Variants in TRPV1 observed in about 807,000 individuals in gnomAD.
The protein encoded by TRPV1 is transient receptor potential cation channel subfamily V member 1.
Under a neutral mutation model 82.3 loss-of-function variants are expected in TRPV1, and 82 were observed. The ratio of observed to expected loss-of-function variants is 1.00; its 90% CI spans 0.83 to 1.20. TRPV1 has a LOEUF of 1.20. Among genes scored for constraint, TRPV1 ranks in the 50% most tolerant of loss-of-function variants. The pLI is 0.00. For missense variants in TRPV1, 1,067 were observed against 1,096.8 expected (o/e 0.97, Z 0.38); for synonymous variants, 515 against 467.7 (o/e 1.10, Z -1.30).
chr17:3,607,119 A>G (rs1020995039), intron 2 of TRPV1, among the ~76,000 whole-genome samples: 1 of 152,170 alleles, frequency 6.6e-6, no homozygotes, highest in African/African-American at 2.4e-5. Flanking sequence ...AGGCTGAGGC[A>G]GGTGGATCAC....
chr17:3,585,979 A>G lies in TRPV1; in HGVS notation c.1225-53T>C. ...CCCTCCTGCAGCAGGAACTCCTCGC[A>G]CGCCCACACCAGCCCGTGGTGCCCC... On this transcript the variant is annotated intron_variant, in intron 8 of 16. Transcript: ENST00000572705. The G allele has an allele frequency of 1.9e-6, 3 of 1,605,512 alleles. No individual in the cohort carries two copies. The Admixed American group carries it at 5.0e-5, about 27-fold the overall frequency.
At chr17:3,598,436 G>C (rs1051144685) in intron 2 of TRPV1, among the ~76,000 whole-genome samples, 2 of 152,112 alleles carry the variant, frequency 1.3e-5, no homozygotes, top group African/African-American at 4.8e-5. Context: ...TTACAGGTGA[G>C]AAATGTGTGA....
Position 3,572,162 on chromosome 17 carries a change from A to T in TRPV1, c.2191T>A (p.Tyr731Asn). Residue 731 changes from tyrosine to asparagine, a missense_variant, in exon 15 of 17, where the codon TAC (tyrosine) becomes AAC (asparagine). By Grantham distance (143) the Tyr-to-Asn change is moderately radical (BLOSUM62 -2). Coordinates refer to ENST00000572705, the MANE Select transcript of TRPV1 (RefSeq NM_080704.4). ...FRSGKLLQVGYTPDGKDDYRW... is the reference protein window; with the variant it reads ...FRSGKLLQVGNTPDGKDDYRW... ...TAGTCGTCCTTGCCATCAGGTGTGT[A>T]CCCCACCTGCAGCAGCTTGCCTGAG... is the stretch of plus-strand genomic sequence containing the variant. 6.2e-7 allele frequency: 1 copy of T among 1,613,622 alleles called. No individual in the cohort carries two copies. The highest frequency in any genetic ancestry group is 8.5e-7 in the Non-Finnish European group (1 of 1,179,744).
chr17:3,595,691 T>C (rs1240432316), intron 2 of TRPV1: 1 of 152,256 alleles, frequency 6.6e-6, no homozygotes, highest in Non-Finnish European at 1.5e-5. Flanking sequence ...CCATGAACCT[T>C]TCGGCAATGT....
At chr17:3,585,154 CTT>C (rs11390232) in intron 9 of TRPV1, 36 of 147,370 alleles carry the variant, frequency 2.4e-4, no homozygotes, top group Non-Finnish European at 2.7e-4. Flanking sequence ...CGTGATTTTT[CTT>C]TTTTTTTTTT....
At chr17:3,594,948 G>T (rs556295334) in intron 2 of TRPV1, among the ~76,000 whole-genome samples, 1 of 152,180 alleles carries the variant, frequency 6.6e-6, no homozygotes, top group Admixed American at 6.5e-5. Flanking sequence ...CAGGAAGACA[G>T]GAGGCCGGGT....
At chr17:3,592,466 C>A in intron 2 of TRPV1, 83 bp from the exon 3 acceptor site, 1 of 1,366,342 alleles carries the variant, frequency 7.3e-7, no homozygotes, top group Non-Finnish European at 9.7e-7. Context: ...TTGCCAAGGG[C>A]CCTGTGAAGC....
chr17:3,573,053 A>G (rs368999812), intron 14 of TRPV1, among the ~76,000 whole-genome samples: 2 of 151,908 alleles, frequency 1.3e-5, no homozygotes, highest in African/African-American at 4.8e-5. Flanking sequence ...TGTGAGGATT[A>G]AATGAGATCA....
At chr17:3,574,642 T>A (rs1325793689) in intron 13 of TRPV1, among the ~76,000 whole-genome samples, 1 of 151,688 alleles carries the variant, frequency 6.6e-6, no homozygotes, top group African/African-American at 2.4e-5. Flanking sequence ...CAAAGCAGAG[T>A]CCAGTGCTCA....
At chr17:3,597,895 A>G (rs1405519623) in intron 2 of TRPV1, among the ~76,000 whole-genome samples, 1 of 151,956 alleles carries the variant, frequency 6.6e-6, no homozygotes, top group African/African-American at 2.4e-5. Context: ...GCCGGTCTTG[A>G]ACTCCTGACC....
At chr17:3,607,708 T>G (rs939778482) in intron 2 of TRPV1, among the ~76,000 whole-genome samples, 1 of 151,654 alleles carries the variant, frequency 6.6e-6, no homozygotes, top group Non-Finnish European at 1.5e-5. Context: ...AGCTAACTTT[T>G]GTATTTCTAG....
intron 2 of TRPV1, among the ~76,000 whole-genome samples, chr17:3,605,644 T>G (rs1334524259): frequency 2.0e-5 from 3 of 152,212 alleles, no homozygotes; most frequent in African/African-American, 7.2e-5. Context: ...TAGCTCAATG[T>G]GACTTGTGTA....
chr17:3,582,534 T>C (rs1233655777), intron 10 of TRPV1, among the ~76,000 whole-genome samples: 2 of 151,620 alleles, frequency 1.3e-5, no homozygotes, highest in Non-Finnish European at 2.9e-5. Context: ...ATTATATAAA[T>C]ATGGTTTTTG....
chr17:3,593,081 CGTGTGTGTGTGTGTGTGTGTGT>C (rs57419633), intron 2 of TRPV1, among the ~76,000 whole-genome samples: 61 of 112,904 alleles, frequency 5.4e-4, no homozygotes, highest in Admixed American at 1.8e-3. Flanking sequence ...AATGTTTAGG[CGTGTGTGTGTGTGTGTGTGTGT>C]GTGTGTGTGT....
chr17:3,588,870 C>T, intron 7 of TRPV1: 1 of 1,486,774 alleles, frequency 6.7e-7, no homozygotes, highest in Non-Finnish European at 9.1e-7. Flanking sequence ...GCCTCAGATA[C>T]TACCTGCACC....
intron 2 of TRPV1, among the ~76,000 whole-genome samples, chr17:3,594,160 CAGCA>C (rs2075196831): frequency 8.6e-6 from 1 of 115,896 alleles, no homozygotes; most frequent in African/African-American, 7.8e-5. Flanking sequence ...AAAGAAGCAG[CAGCA>C]GCAGCAGCAG....
Position 3,590,186 on chromosome 17 carries a change from G to T in TRPV1, c.745+66C>A, listed in dbSNP as rs2075139066. On this transcript the variant is annotated intron_variant, in intron 6 of 16. Coordinates refer to ENST00000572705, the MANE Select transcript of TRPV1 (RefSeq NM_080704.4). ...AACCACCGGCCTCCAAACTCCCTCT[G>T]TCTCTGCCCAAACCTCCCCTTAGCA... 15 of 1,595,588 alleles carry T rather than the reference G, an allele frequency of 9.4e-6. No individual in the cohort carries two copies. In the South Asian group the frequency reaches 1.1e-4, roughly 12 times the overall value.
Position 3,577,662 on chromosome 17 carries a change from G to C in TRPV1, c.1649C>G (p.Thr550Ser). The C allele has an allele frequency of 6.3e-7, 1 of 1,587,492 alleles. No homozygotes were observed. Among genetic ancestry groups the C allele is most frequent in the Non-Finnish European group, 8.6e-7 (1 of 1,167,290 alleles). Reference protein sequence around the residue: ...SMVFSLALGWTNMLYYTRGFQ... With the variant: ...SMVFSLALGWSNMLYYTRGFQ... ...ACCGCGGGTGTAGTAGAGCATGTTG[G>C]TCCAGCCCAAGGCCAGGGAGAATAC... Residue 550 changes from threonine to serine, a missense_variant, in exon 12 of 17, where the codon ACC becomes AGC. Transcript: ENST00000572705.
chr17:3,577,863 G>A, intron 11 of TRPV1, 100 bp from the exon 12 acceptor site: 1 of 1,144,662 alleles, frequency 8.7e-7, no homozygotes, highest in Non-Finnish European at 1.2e-6. Flanking sequence ...CAGACTGCAG[G>A]CCGCAATAGG....
Sources: gnomAD v4.1 joint callset for allele counts (sites outside exome capture counted in the v4.1 genomes callset) on GRCh38, gnomAD v4.1.1 for gene constraint, MANE v1.5 for transcripts, NCBI Gene and HGNC (gene_info 2026-07-23, HGNC 2026-07-21) for gene names.